RNF111: variants seen among roughly 807,000 people sequenced by gnomAD.
The protein encoded by RNF111 is ring finger protein 111.
Under a neutral mutation model 95.1 loss-of-function variants are expected in RNF111, and 17 were observed. The ratio of observed to expected loss-of-function variants is 0.18; its 90% CI spans 0.12 to 0.27. The LOEUF is 0.27. Among genes scored for constraint, RNF111 ranks in the 10% least tolerant of loss-of-function variants. RNF111 has a pLI of 1.00. For synonymous variants in RNF111, 440 were observed against 414.8 expected (o/e 1.06, Z -0.74); for missense variants, 1,189 against 1,210.4 (o/e 0.98, Z 0.26).
intron 2 of RNF111, among the ~76,000 whole-genome samples, chr15:59,039,940 C>G (rs2041367770): frequency 6.6e-6 from 1 of 152,084 alleles, no homozygotes; most frequent in Non-Finnish European, 1.5e-5. Context: ...TGGTCTCGAT[C>G]TCCTGACCTC....
intron 2 of RNF111, among the ~76,000 whole-genome samples, chr15:59,038,915 T>C (rs1397900810): frequency 6.6e-6 from 1 of 152,218 alleles, no homozygotes; most frequent in Non-Finnish European, 1.5e-5. Context: ...GTAATGTTTT[T>C]TAGCAGTTAT....
At chr15:59,078,552 TAA>T (rs56959347) in intron 7 of RNF111, among the ~76,000 whole-genome samples, 25,932 of 93,456 alleles carry the variant, frequency 0.28, 2,643 homozygotes, top group Middle Eastern at 0.45. Context: ...AACCTGTCTC[TAA>T]AAAAAAAAAA....
At position 59,097,081 on chromosome 15, in the gene RNF111, T is replaced by C. The variant is rs1008552443; in HGVS notation, c.*2181T>C. ...CCTGAATTGTTAATATAGGAGCTTA[T>C]TAAGCTACTGCCATTAGTTATCGAA... On this transcript the variant is annotated 3_prime_UTR_variant, in exon 14 of 14. Transcript: ENST00000348370. 1 of 152,250 alleles carries C rather than the reference T, an allele frequency of 6.6e-6. No individual in the cohort carries two copies. Among genetic ancestry groups the C allele is most frequent in the Non-Finnish European group, 1.5e-5 (1 of 68,050 alleles). 9.4% of individuals were successfully genotyped at this position (152,250 alleles called of 1,614,324 possible).
chr15:59,016,151 A>T (rs895272112), intron 1 of RNF111, among the ~76,000 whole-genome samples: 2 of 150,674 alleles, frequency 1.3e-5, no homozygotes, highest in Non-Finnish European at 3.0e-5. Context: ...TTGGTTAAAA[A>T]ATATATATAT....
intron 2 of RNF111, among the ~76,000 whole-genome samples, chr15:59,037,530 T>C (rs1268516528): frequency 6.6e-6 from 1 of 152,150 alleles, no homozygotes; most frequent in Non-Finnish European, 1.5e-5. Context: ...CTTTATACTT[T>C]ATTAACTTTA....
At chr15:58,995,422 G>A (rs1029604563) in intron 1 of RNF111, among the ~76,000 whole-genome samples, 26 of 151,154 alleles carry the variant, frequency 1.7e-4, no homozygotes, top group African/African-American at 5.8e-4. Flanking sequence ...TCCATTAGGA[G>A]CCTTTCCAAG....
chr15:59,003,417 G>C lies in RNF111; in HGVS notation c.-20+15349G>C, dbSNP rs150656417. Among the ~76,000 whole-genome samples, 698 of 150,790 alleles carry C rather than the reference G, an allele frequency of 4.6e-3. 5 individuals carry two copies. Among genetic ancestry groups the C allele is most frequent in the Middle Eastern group, 0.041 (12 of 290 alleles). On this transcript the variant is annotated intron_variant, in intron 1 of 13. Coordinates refer to ENST00000348370, the MANE Select transcript of RNF111 (RefSeq NM_017610.8). ...GCCACACCCGGCCTTTTTCTTTTTT[G>C]AGACAGAGTCTGGCTCTGTTGCTCA...
chr15:59,061,118 G>C (rs1225199784), intron 5 of RNF111, among the ~76,000 whole-genome samples: 2 of 152,000 alleles, frequency 1.3e-5, no homozygotes, highest in South Asian at 4.1e-4. Flanking sequence ...TTATTCTTAC[G>C]TACATTTTAT....
intron 1 of RNF111, among the ~76,000 whole-genome samples, chr15:59,012,373 C>T (rs2039868253): frequency 3.9e-5 from 6 of 151,944 alleles, no homozygotes; most frequent in Admixed American, 6.6e-5. Flanking sequence ...TAATTAAGAC[C>T]CTTAGCCTTT....
At chr15:59,073,146 G>A (rs1310588846) in intron 6 of RNF111, among the ~76,000 whole-genome samples, 10 of 152,078 alleles carry the variant, frequency 6.6e-5, no homozygotes, top group Admixed American at 5.9e-4. Flanking sequence ...GCACTCCACT[G>A]TAGGCAACAC....
intron 6 of RNF111, among the ~76,000 whole-genome samples, chr15:59,070,583 A>G (rs1033799878): frequency 2.4e-4 from 36 of 152,190 alleles, no homozygotes; most frequent in African/African-American, 7.5e-4. Context: ...GTATTTGCCA[A>G]CTCAATAGAA....
At chr15:59,081,352 C>G (rs2078737464) in intron 8 of RNF111, 68 bp downstream of exon 8, 1 of 1,330,552 alleles carries the variant, frequency 7.5e-7, no homozygotes, top group African/African-American at 1.4e-5. Flanking sequence ...GTCTTTACAA[C>G]TCTGAAATCC....
intron 10 of RNF111, among the ~76,000 whole-genome samples, chr15:59,087,807 G>C (rs2140220514): frequency 6.6e-6 from 1 of 152,224 alleles, no homozygotes; most frequent in African/African-American, 2.4e-5. Context: ...TGTTGTTCAA[G>C]GGTGAACTGT....
At chr15:58,988,219 T>G (rs1192887529) in intron 1 of RNF111, 151 bp downstream of exon 1, 1 of 152,308 alleles carries the variant, frequency 6.6e-6, no homozygotes, top group African/African-American at 2.4e-5. Flanking sequence ...CGGTGGTGAC[T>G]TAGGGTCTGG....
intron 6 of RNF111, among the ~76,000 whole-genome samples, chr15:59,072,240 C>T (rs916223917): frequency 2.6e-5 from 4 of 152,064 alleles, no homozygotes; most frequent in Admixed American, 2.0e-4. Flanking sequence ...AGTAAGATAA[C>T]AATGAAGTTT....
In RNF111 at chr15:59,018,763, CAGTT is replaced by C. The variant is rs544031006; in HGVS notation, c.-19-12040_-19-12037del. Among the ~76,000 whole-genome samples the C allele has an allele frequency of 3.2e-4, 48 of 152,246 alleles. No individual in the cohort carries two copies. The South Asian group carries it at 9.1e-3, about 29-fold the overall frequency. On this transcript the variant is annotated intron_variant, in intron 1 of 13. Transcript: ENST00000348370. ...AGAAAATGATCCATACTTTCCATAA[CAGTT>C]TGTACAAATCCTGCCTGATTTTAAA... is the stretch of plus-strand genomic sequence containing the variant.
At chr15:59,003,481 C>G (rs1452067119) in intron 1 of RNF111, among the ~76,000 whole-genome samples, 1 of 152,188 alleles carries the variant, frequency 6.6e-6, no homozygotes, top group Non-Finnish European at 1.5e-5. Flanking sequence ...TTACTGCAAC[C>G]TCCACCTCCT....
At chr15:59,053,742 A>G (rs1241056706) in intron 3 of RNF111, among the ~76,000 whole-genome samples, 1 of 152,010 alleles carries the variant, frequency 6.6e-6, no homozygotes, top group African/African-American at 2.4e-5. Context: ...TTACAGACCT[A>G]TTTTTCCTTG....
intron 2 of RNF111, among the ~76,000 whole-genome samples, chr15:59,034,817 A>T (rs922800446): frequency 6.6e-6 from 1 of 152,244 alleles, no homozygotes; most frequent in Non-Finnish European, 1.5e-5. Flanking sequence ...TAAACTTTTA[A>T]TTTGACTTAT....
Sources: allele counts gnomAD v4.1 joint callset (sites outside exome capture counted in the v4.1 genomes callset), GRCh38; gene constraint gnomAD v4.1.1; transcripts MANE v1.5; gene names NCBI Gene and HGNC (gene_info 2026-07-23, HGNC 2026-07-21).